CAMKMT: variants seen among roughly 807,000 people sequenced by gnomAD.
CAMKMT encodes the protein CaM KMT.
CAMKMT carries 53 observed loss-of-function variants against 48.0 expected under a neutral mutation model. That is an observed-to-expected ratio of 1.10 (90% CI 0.89 to 1.39). The LOEUF (loss-of-function observed/expected upper bound fraction) is 1.39, where lower values mean the gene tolerates loss of function less well. CAMKMT is among the 40% of genes most tolerant of loss of function. CAMKMT has a pLI of 0.00. For synonymous variants in CAMKMT, 165 were observed against 152.3 expected, an observed-to-expected ratio of 1.08 and a Z score of -0.61; for missense variants, 428 against 402.7, an observed-to-expected ratio of 1.06 and a Z score of -0.54.
At chr2:44,388,063 G>A (rs1297372367) in intron 2 of CAMKMT, among the ~76,000 whole-genome samples, 3 of 152,086 alleles carry the variant, frequency 2.0e-5, no homozygotes, top group Non-Finnish European at 4.4e-5. Context: ...TGGATGTCTA[G>A]GTCTCTAGCA....
intron 3 of CAMKMT, among the ~76,000 whole-genome samples, chr2:44,614,936 C>CTTTCTTTTT (rs1671791568): frequency 2.0e-5 from 1 of 48,990 alleles, no homozygotes; most frequent in African/African-American, 1.0e-4. Flanking sequence ...GGTCTCCTTG[C>CTTTCTTTTT]TTTTTTTTTT....
At chr2:44,641,729 T>C (rs547876521) in intron 3 of CAMKMT, among the ~76,000 whole-genome samples, 2,448 of 152,170 alleles carry the variant, frequency 0.016, 58 homozygotes, top group African/African-American at 0.055. Context: ...AAATAACTTT[T>C]GTATTTTTTG....
intron 6 of CAMKMT, among the ~76,000 whole-genome samples, chr2:44,707,815 G>C (rs1558809149): frequency 6.6e-6 from 1 of 152,032 alleles, no homozygotes; most frequent in Non-Finnish European, 1.5e-5. Context: ...ATTGTATTTG[G>C]ATATTGCTGG....
chr2:44,637,688 T>G lies in CAMKMT; in HGVS notation c.377-66595T>G, dbSNP rs1167266565. 2.0e-5 allele frequency among the ~76,000 whole-genome samples: 3 copies of G among 152,166 alleles called. No homozygotes were observed. The East Asian group carries it at 5.8e-4, about 29-fold the overall frequency. On this transcript the variant is annotated intron_variant, in intron 3 of 10. Transcript: ENST00000378494. ...GGTGTGATTGCTTTGTTAAGAAGCC[T>G]ATTAGTAATCCTAAACCCAGTATGA...
Position 44,452,856 on chromosome 2 carries a change from T to A in CAMKMT, c.376+62551T>A, listed in dbSNP as rs533706273. ...TTTAGTTACCATCCCTTTGATATCC[T>A]GCAGCCATTATTGGATGCCTTTGGG... On this transcript the variant is annotated intron_variant, in intron 3 of 10. Coordinates refer to ENST00000378494, the MANE Select transcript of CAMKMT (RefSeq NM_024766.5). Among the ~76,000 whole-genome samples the A allele has an allele frequency of 4.3e-4, 65 of 152,142 alleles. 1 individual carries two copies. Among genetic ancestry groups the A allele is most frequent in the African/African-American group, 1.5e-3 (62 of 41,566 alleles).
chr2:44,413,697 A>C (rs1274190801), intron 3 of CAMKMT, among the ~76,000 whole-genome samples: 1 of 151,892 alleles, frequency 6.6e-6, no homozygotes, highest in African/African-American at 2.4e-5. Context: ...AAATGGATCC[A>C]TGGGAAATAT....
At chr2:44,749,867 T>C (rs1237119183) in intron 8 of CAMKMT, among the ~76,000 whole-genome samples, 1 of 151,578 alleles carries the variant, frequency 6.6e-6, no homozygotes, top group Admixed American at 6.6e-5. Flanking sequence ...GGCCCTAGAG[T>C]AGGTGGTGCT....
At chr2:44,406,477 C>A (rs1682785188) in intron 3 of CAMKMT, among the ~76,000 whole-genome samples, 1 of 109,110 alleles carries the variant, frequency 9.2e-6, no homozygotes, top group Non-Finnish European at 1.9e-5. Flanking sequence ...CTCTTTAATA[C>A]CACCCCAGTG....
intron 3 of CAMKMT, among the ~76,000 whole-genome samples, chr2:44,442,704 C>T (rs191469265): frequency 1.7e-4 from 26 of 152,284 alleles, no homozygotes; most frequent in African/African-American, 6.0e-4. Flanking sequence ...TTCCTTCAGG[C>T]CAGTGGTTCT....
chr2:44,378,218 A>C (rs1371075115), intron 2 of CAMKMT, among the ~76,000 whole-genome samples: 1 of 152,196 alleles, frequency 6.6e-6, no homozygotes, highest in Non-Finnish European at 1.5e-5. Flanking sequence ...GATATGGGCT[A>C]GTATAACTTA....
chr2:44,704,331 A>G lies in CAMKMT; in HGVS notation c.425A>G (p.Asn142Ser), dbSNP rs1677424401. The part of the protein sequence containing the change: ...EVLAYYCLKH[N>S]NIFRALAVCE... The stretch of plus-strand genomic sequence containing the variant: ...TTGGCTTACTACTGCCTCAAGCACA[A>G]TAATATATTCAGGTACAGAGCTGCA... The change falls in exon 4 of 11, where the codon AAT becomes AGT. Residue 142 changes from asparagine (N) to serine (S), a missense_variant. By Grantham distance (46) the Asn-to-Ser change is conservative (BLOSUM62 1). Transcript: ENST00000378494. 2 of 1,609,046 alleles carry G rather than the reference A, an allele frequency of 1.2e-6. No homozygotes were observed. The highest frequency in any genetic ancestry group is 3.4e-5 in the Admixed American group (2 of 59,550).
At chr2:44,616,305 C>T (rs1671885155) in intron 3 of CAMKMT, among the ~76,000 whole-genome samples, 1 of 152,152 alleles carries the variant, frequency 6.6e-6, no homozygotes, top group Non-Finnish European at 1.5e-5. Context: ...ACAAACACAT[C>T]CTAAGATAGT....
chr2:44,384,760 T>G (rs1680615205), intron 2 of CAMKMT, among the ~76,000 whole-genome samples: 1 of 152,106 alleles, frequency 6.6e-6, no homozygotes, highest in Admixed American at 6.6e-5. Flanking sequence ...ACTTTTTGTT[T>G]TGTTTACTTT....
At chr2:44,551,357 A>G (rs923803941) in intron 3 of CAMKMT, among the ~76,000 whole-genome samples, 2 of 152,188 alleles carry the variant, frequency 1.3e-5, no homozygotes, top group Non-Finnish European at 2.9e-5. Context: ...TGGCTTATGC[A>G]TAAGATTGGA....
At chr2:44,575,562 C>T (rs932269288) in intron 3 of CAMKMT, among the ~76,000 whole-genome samples, 1 of 152,086 alleles carries the variant, frequency 6.6e-6, no homozygotes, top group Admixed American at 6.5e-5. Flanking sequence ...TTCAATCATT[C>T]ATTTATTTTC....
intron 3 of CAMKMT, among the ~76,000 whole-genome samples, chr2:44,696,963 A>G (rs1301798694): frequency 6.6e-6 from 1 of 152,142 alleles, no homozygotes; most frequent in East Asian, 1.9e-4. Context: ...TAGAAGATAA[A>G]GTTGAGGACA....
chr2:44,668,250 C>G (rs1391760082), intron 3 of CAMKMT, among the ~76,000 whole-genome samples: 1 of 152,206 alleles, frequency 6.6e-6, no homozygotes, highest in Non-Finnish European at 1.5e-5. Flanking sequence ...CACCTGTCCA[C>G]CTGTGTCTGT....
At chr2:44,602,803 C>G (rs568489701) in intron 3 of CAMKMT, among the ~76,000 whole-genome samples, 7 of 152,162 alleles carry the variant, frequency 4.6e-5, no homozygotes, top group African/African-American at 1.7e-4. Context: ...ATCCAGTGAC[C>G]TCCCACCAGG....
At chr2:44,735,449 G>T (rs983548069) in intron 7 of CAMKMT, among the ~76,000 whole-genome samples, 1 of 151,916 alleles carries the variant, frequency 6.6e-6, no homozygotes, top group African/African-American at 2.4e-5. Context: ...CTTGCTTTTG[G>T]ATTAAATGAG....
Sources: gnomAD v4.1 joint callset for allele counts (sites outside exome capture counted in the v4.1 genomes callset) on GRCh38, gnomAD v4.1.1 for gene constraint, MANE v1.5 for transcripts, NCBI Gene and HGNC (gene_info 2026-07-23, HGNC 2026-07-21) for gene names.